CSMD3: variants seen among roughly 807,000 people sequenced by gnomAD.
The protein encoded by CSMD3 is CUB and sushi domain-containing protein 3.
Under a neutral mutation model 435.2 loss-of-function variants are expected in CSMD3, and 177 were observed. The ratio of observed to expected loss-of-function variants is 0.41; its 90% CI spans 0.36 to 0.46. The LOEUF is 0.46. CSMD3 is among the 20% of genes least tolerant of loss of function. The pLI is 0.34. For missense variants in CSMD3, 4,265 were observed against 4,504.6 expected (o/e 0.95, Z 1.52); for synonymous variants, 1,656 against 1,520.5 (o/e 1.09, Z -2.07).
In CSMD3 at chr8:113,099,057, A is replaced by G. The variant is rs142876334; in HGVS notation, c.710-94T>C. 4.1e-4 allele frequency: 332 copies of G among 812,484 alleles called. No individual in the cohort carries two copies. The African/African-American group carries it at 5.1e-3, about 12-fold the overall frequency. The allele number at this position is 812,484 out of a possible 1,614,324, so 50.3% of individuals were successfully genotyped here. A position where few individuals can be genotyped will look rare whatever the true frequency, so the allele number is the denominator to read the frequency against. On this transcript the variant is annotated intron_variant, in intron 4 of 70. Coordinates refer to ENST00000297405, the MANE Select transcript of CSMD3 (RefSeq NM_198123.2). ...AGCAAGTCAATATGTTTGGATAAAA[A>G]TAACAGTTCAAATGTGATACCAAGT...
At chr8:112,811,681 C>T (rs1488448347) in intron 12 of CSMD3, among the ~76,000 whole-genome samples, 1 of 152,180 alleles carries the variant, frequency 6.6e-6, no homozygotes, top group Non-Finnish European at 1.5e-5. Context: ...GAAATCTCCT[C>T]TACAGATTGC....
chr8:113,417,776 C>G (rs2094588924), intron 1 of CSMD3, among the ~76,000 whole-genome samples: 1 of 151,822 alleles, frequency 6.6e-6, no homozygotes, highest in African/African-American at 2.4e-5. Flanking sequence ...TTTAAAAGGA[C>G]AAGCTAAAGG....
intron 6 of CSMD3, among the ~76,000 whole-genome samples, chr8:112,985,752 T>C (rs2085232692): frequency 6.6e-6 from 1 of 152,156 alleles, no homozygotes; most frequent in Non-Finnish European, 1.5e-5. Flanking sequence ...GCAAGAGATC[T>C]AGGTTGCAAA....
chr8:112,587,190 G>T lies in CSMD3; in HGVS notation c.3761C>A (p.Ser1254Tyr). The T allele has an allele frequency of 6.2e-7, 1 of 1,609,956 alleles. No individual in the cohort carries two copies. Among genetic ancestry groups the T allele is most frequent in the South Asian group, 1.1e-5 (1 of 90,996 alleles). ...SATNNEGILLSPNYPLNYENN... is the reference protein window; with the variant it reads ...SATNNEGILLYPNYPLNYENN... ...TTCATAGTTGAGTGGATAATTTGGA[G>T]ACAGCAAAATTCCTTCATTATTCGT... Residue 1254 changes from serine to tyrosine, a missense_variant, in exon 23 of 71, where the codon TCT becomes TAT. Physicochemically the swap from Ser to Tyr is moderately radical, Grantham distance 144. Coordinates refer to ENST00000297405, the MANE Select transcript of CSMD3 (RefSeq NM_198123.2).
At chr8:113,305,484 T>C (rs577332430) in intron 2 of CSMD3, among the ~76,000 whole-genome samples, 2 of 152,334 alleles carry the variant, frequency 1.3e-5, no homozygotes, top group African/African-American at 4.8e-5. Flanking sequence ...ACAGATTTAC[T>C]ACAAAAGATT....
At chr8:113,302,742 G>A (rs919308263) in intron 2 of CSMD3, among the ~76,000 whole-genome samples, 1 of 147,286 alleles carries the variant, frequency 6.8e-6, no homozygotes, top group Non-Finnish European at 1.5e-5. Context: ...AATAAATTAG[G>A]TATTGATGGG....
At chr8:113,097,288 G>C (rs1424698784) in intron 5 of CSMD3, among the ~76,000 whole-genome samples, 2 of 151,964 alleles carry the variant, frequency 1.3e-5, no homozygotes, top group Admixed American at 1.3e-4. Flanking sequence ...TTTGTTTAAT[G>C]TTTATTCAAC....
chr8:113,006,677 C>A (rs1484507472), intron 6 of CSMD3, among the ~76,000 whole-genome samples: 3 of 151,658 alleles, frequency 2.0e-5, no homozygotes, highest in African/African-American at 7.3e-5. Context: ...TAATGTGTAA[C>A]CTGTTTTATC....
At chr8:113,363,504 A>G (rs950637644) in intron 1 of CSMD3, among the ~76,000 whole-genome samples, 1 of 152,124 alleles carries the variant, frequency 6.6e-6, no homozygotes, top group African/African-American at 2.4e-5. Flanking sequence ...CAATTTGACT[A>G]GGATGTATTT....
chr8:112,889,538 T>C (rs1334730842), intron 10 of CSMD3, among the ~76,000 whole-genome samples: 1 of 151,656 alleles, frequency 6.6e-6, no homozygotes, highest in Admixed American at 6.6e-5. Context: ...AGGCAGCACC[T>C]ATGGAAATGT....
chr8:112,336,893 A>G (rs551909440), intron 43 of CSMD3, 64 bp from the exon 44 acceptor site: 379 of 1,324,178 alleles, frequency 2.9e-4, no homozygotes, highest in Non-Finnish European at 3.9e-4. Context: ...TGTGGAGAAA[A>G]AGGCAAACAT....
chr8:112,548,982 T>TA (rs1036803011), intron 27 of CSMD3, among the ~76,000 whole-genome samples: 1 of 152,106 alleles, frequency 6.6e-6, no homozygotes, highest in African/African-American at 2.4e-5. Context: ...ACAGATTATC[T>TA]ACAATAAAAA....
intron 13 of CSMD3, among the ~76,000 whole-genome samples, chr8:112,719,364 C>T (rs1345733484): frequency 2.6e-5 from 4 of 152,156 alleles, no homozygotes; most frequent in Admixed American, 2.6e-4. Flanking sequence ...TCAGCTTATG[C>T]TGCTACACCA....
chr8:112,445,425 G>A lies in CSMD3; in HGVS notation c.5395+27166C>T, dbSNP rs541270318. Among the ~76,000 whole-genome samples, 10 of 152,252 alleles carry A rather than the reference G, an allele frequency of 6.6e-5. No homozygotes were observed. In the South Asian group the frequency reaches 1.0e-3, roughly 16 times the overall value. On this transcript the variant is annotated intron_variant, in intron 32 of 70. Coordinates refer to ENST00000297405, the MANE Select transcript of CSMD3 (RefSeq NM_198123.2). ...GCGCTGGCATCTGCTTCTGGTGACTGCCTCTGGAAGCTTCCAATCATGACG... is the reference window on the plus strand; with the variant it reads ...GCGCTGGCATCTGCTTCTGGTGACTACCTCTGGAAGCTTCCAATCATGACG...
intron 30 of CSMD3, among the ~76,000 whole-genome samples, chr8:112,494,317 C>T (rs928726070): frequency 2.6e-4 from 4 of 15,140 alleles, no homozygotes; most frequent in Middle Eastern, 0.033. Flanking sequence ...TTTACTCTCT[C>T]CTTTCTTTCT....
intron 13 of CSMD3, among the ~76,000 whole-genome samples, chr8:112,745,854 C>T (rs1018846453): frequency 2.0e-5 from 3 of 151,904 alleles, no homozygotes; most frequent in Non-Finnish European, 2.9e-5. Flanking sequence ...CTTCTAAGAA[C>T]ATGTTTATTT....
At chr8:112,803,803 TC>T (rs1246167637) in intron 12 of CSMD3, among the ~76,000 whole-genome samples, 1 of 152,156 alleles carries the variant, frequency 6.6e-6, no homozygotes, top group Non-Finnish European at 1.5e-5. Context: ...TTTCCCTGCT[TC>T]CCAGAAGTTT....
At chr8:112,986,832 C>T (rs891496096) in intron 6 of CSMD3, among the ~76,000 whole-genome samples, 7 of 151,912 alleles carry the variant, frequency 4.6e-5, no homozygotes, top group Non-Finnish European at 8.8e-5. Flanking sequence ...ACTTTTTGAC[C>T]TGTTAGTCTT....
intron 32 of CSMD3, among the ~76,000 whole-genome samples, chr8:112,427,700 G>A (rs964495054): frequency 2.0e-5 from 3 of 152,130 alleles, no homozygotes; most frequent in African/African-American, 7.2e-5. Context: ...GTGAGATGCA[G>A]GGTCAGCTTC....
Sources: gnomAD v4.1 joint callset for allele counts (sites outside exome capture counted in the v4.1 genomes callset) on GRCh38, gnomAD v4.1.1 for gene constraint, MANE v1.5 for transcripts, NCBI Gene and HGNC (gene_info 2026-07-23, HGNC 2026-07-21) for gene names.